Variants in CACNA2D1 observed in about 807,000 individuals in gnomAD.
The protein encoded by CACNA2D1 is voltage-dependent calcium channel subunit alpha-2/delta-1.
A neutral mutation model predicts 171.5 loss-of-function variants in CACNA2D1; 53 were observed. The ratio of observed to expected loss-of-function variants is 0.31; its 90% CI spans 0.25 to 0.39. The LOEUF (loss-of-function observed/expected upper bound fraction) is 0.39, where lower values mean the gene tolerates loss of function less well. Ranked by LOEUF, CACNA2D1 falls within the 10% of genes least tolerant of loss-of-function variation. The pLI is 1.00. For synonymous variants in CACNA2D1, 442 were observed against 443.1 expected, an observed-to-expected ratio of 1.00 and a Z score of 0.03; for missense variants, 903 against 1,299.8, an observed-to-expected ratio of 0.69 and a Z score of 4.69.
chr7:82,199,188 T>C (rs1486838935), intron 3 of CACNA2D1, among the ~76,000 whole-genome samples: 1 of 152,136 alleles, frequency 6.6e-6, no homozygotes, highest in Non-Finnish European at 1.5e-5. Flanking sequence ...TATTTACCTA[T>C]TAATTTATTT....
At chr7:82,002,254 G>A (rs898168927) in intron 18 of CACNA2D1, among the ~76,000 whole-genome samples, 52 of 152,094 alleles carry the variant, frequency 3.4e-4, no homozygotes, top group Admixed American at 3.9e-4. Context: ...AGAGAGACAC[G>A]TCTCACCCCT....
At chr7:82,413,697 T>C (rs998674926) in intron 1 of CACNA2D1, among the ~76,000 whole-genome samples, 2 of 152,198 alleles carry the variant, frequency 1.3e-5, no homozygotes, top group Non-Finnish European at 2.9e-5. Context: ...AAATACTTAA[T>C]GTGTTAATTA....
At position 81,982,750 on chromosome 7, in the gene CACNA2D1, T is replaced by C. The variant is rs763448283; in HGVS notation, c.1895-123A>G. ...AAAAATTGAAAATAGAGTACTTACA[T>C]CCTAAAATTGAAACATATCAATGAA... On this transcript the variant is annotated intron_variant, in intron 23 of 38. Transcript: ENST00000356860. The C allele has an allele frequency of 4.0e-6, 3 of 751,988 alleles. No individual in the cohort carries two copies. In the Admixed American group the frequency reaches 5.3e-5, roughly 13 times the overall value. 46.6% of individuals were successfully genotyped at this position (751,988 alleles called of 1,614,324 possible). A position where few individuals can be genotyped will look rare whatever the true frequency, so the allele number is the denominator to read the frequency against.
chr7:82,224,678 T>G (rs1802165482), intron 3 of CACNA2D1, among the ~76,000 whole-genome samples: 1 of 152,202 alleles, frequency 6.6e-6, no homozygotes. Context: ...CTCCCTGTCT[T>G]AACAGAAACT....
At chr7:82,111,296 A>G (rs1282275734) in intron 6 of CACNA2D1, among the ~76,000 whole-genome samples, 8 of 61,464 alleles carry the variant, frequency 1.3e-4, no homozygotes, top group Admixed American at 1.2e-3. Flanking sequence ...GTCTGGGTAT[A>G]TATATATATA....
At position 81,994,848 on chromosome 7, in the gene CACNA2D1, A is replaced by C. The variant is rs1366159760; in HGVS notation, c.1734+20T>G. On this transcript the variant is annotated intron_variant, in intron 20 of 38. Transcript: ENST00000356860. ...CTTGATATAATTTTTATTTAAGAAT[A>C]AGCTAGAATCAATTCTTACCTCATC... 8.3e-7 allele frequency: 1 copy of C among 1,198,250 alleles called. No homozygotes were observed. Among genetic ancestry groups the C allele is most frequent in the Non-Finnish European group, 1.2e-6 (1 of 802,728 alleles). The allele number at this position is 1,198,250 out of a possible 1,614,324, so 74.2% of individuals were successfully genotyped here.
At chr7:82,183,083 A>T (rs545519306) in intron 3 of CACNA2D1, among the ~76,000 whole-genome samples, 25 of 152,166 alleles carry the variant, frequency 1.6e-4, no homozygotes, top group African/African-American at 5.3e-4. Flanking sequence ...GATAAAATCA[A>T]CAAAACTTAT....
intron 1 of CACNA2D1, among the ~76,000 whole-genome samples, chr7:82,366,375 C>T (rs1809243959): frequency 6.6e-6 from 1 of 152,166 alleles, no homozygotes; most frequent in Non-Finnish European, 1.5e-5. Context: ...CCTTGACCCC[C>T]TCTCTATCCC....
chr7:82,107,880 A>C (rs1787943497), intron 6 of CACNA2D1, among the ~76,000 whole-genome samples: 1 of 152,098 alleles, frequency 6.6e-6, no homozygotes, highest in South Asian at 2.1e-4. Context: ...GTCCGCGCCC[A>C]GCCGGAATTT....
chr7:82,057,635 G>A (rs76089710), intron 10 of CACNA2D1, among the ~76,000 whole-genome samples: 10,488 of 152,140 alleles, frequency 0.069, 480 homozygotes, highest in Non-Finnish European at 0.1. Flanking sequence ...GGGTGTTGCT[G>A]CTACATAATG....
At chr7:82,221,937 T>C (rs1373027737) in intron 3 of CACNA2D1, among the ~76,000 whole-genome samples, 1 of 151,688 alleles carries the variant, frequency 6.6e-6, no homozygotes, top group Non-Finnish European at 1.5e-5. Context: ...GACTAGTCTA[T>C]CCGCTTAAAT....
rs141739262 is a variant in CACNA2D1 at position 82,335,320 on chromosome 7, A to G, written c.178-69T>C. 2.2e-4 allele frequency: 200 copies of G among 902,300 alleles called. 3 individuals are homozygous for G. The East Asian group carries it at 2.8e-3, about 13-fold the overall frequency. The allele number at this position is 902,300 out of a possible 1,614,324, so 55.9% of individuals were successfully genotyped here. Reference sequence around the variant, plus strand: ...ATTTGGCTTACAAGTTCCCATTGGAATGTATTTAAAACTATAAACAACTGA... The same window carrying G: ...ATTTGGCTTACAAGTTCCCATTGGAGTGTATTTAAAACTATAAACAACTGA... On this transcript the variant is annotated intron_variant, in intron 2 of 38. Transcript: ENST00000356860.
intron 4 of CACNA2D1, among the ~76,000 whole-genome samples, chr7:82,158,475 TAAA>T (rs10589102): frequency 1.3e-5 from 2 of 150,978 alleles, no homozygotes; most frequent in Non-Finnish European, 3.0e-5. Flanking sequence ...GAAACCAAGT[TAAA>T]AAAAAAAAGA....
At chr7:82,138,340 A>G (rs1791923385) in intron 4 of CACNA2D1, among the ~76,000 whole-genome samples, 1 of 151,856 alleles carries the variant, frequency 6.6e-6, no homozygotes, top group South Asian at 2.1e-4. Flanking sequence ...GTTTTACATT[A>G]TTTGATTTTC....
intron 19 of CACNA2D1, among the ~76,000 whole-genome samples, 185 bp downstream of exon 19, chr7:81,996,994 A>G (rs1224652548): frequency 6.6e-6 from 1 of 152,140 alleles, no homozygotes; most frequent in Non-Finnish European, 1.5e-5. Context: ...ATTCCTTTTC[A>G]TATGATCTTT....
At position 81,991,188 on chromosome 7, in the gene CACNA2D1, TA is replaced by T; in HGVS notation, c.1792del (p.Tyr598ThrfsTer15). 7.1e-7 allele frequency: 1 copy of T among 1,417,280 alleles called. No individual in the cohort carries two copies. Among genetic ancestry groups the T allele is most frequent in the Non-Finnish European group, 1.0e-6 (1 of 1,000,902 alleles). 87.8% of individuals were successfully genotyped at this position (1,417,280 alleles called of 1,614,324 possible). A position where few individuals can be genotyped will look rare whatever the true frequency, so the allele number is the denominator to read the frequency against. ...YTWTPVNGTD[Y>X]SLALVLPTYS... Reference sequence around the variant, plus strand: ...CACATAAAATACAGTTAATTACCTGTAATCTGTGCCATTGACAGGTGTCCAT... The same window carrying T: ...CACATAAAATACAGTTAATTACCTGTATCTGTGCCATTGACAGGTGTCCAT... On this transcript the variant is annotated frameshift_variant, in exon 21 of 39. Coordinates refer to ENST00000356860, the MANE Select transcript of CACNA2D1 (RefSeq NM_000722.4). LOFTEE classifies it high-confidence loss of function.
At chr7:82,175,412 A>G (rs1796457120) in intron 3 of CACNA2D1, among the ~76,000 whole-genome samples, 1 of 152,068 alleles carries the variant, frequency 6.6e-6, no homozygotes, top group African/African-American at 2.4e-5. Flanking sequence ...TTAATCTTCA[A>G]ACAGTTAACA....
intron 27 of CACNA2D1, 52 bp from the exon 28 acceptor site, chr7:81,970,036 A>G (rs1438728227): frequency 9.5e-7 from 1 of 1,052,372 alleles, no homozygotes; most frequent in African/African-American, 1.6e-5. Context: ...CTGATAACCT[A>G]CTTTATCCTA....
At chr7:82,015,455 G>A (rs924275759) in intron 12 of CACNA2D1, among the ~76,000 whole-genome samples, 7 of 152,086 alleles carry the variant, frequency 4.6e-5, no homozygotes, top group Non-Finnish European at 8.8e-5. Flanking sequence ...AATCAATAGA[G>A]AGTTTTTATA....
Sources: allele counts gnomAD v4.1 joint callset (sites outside exome capture counted in the v4.1 genomes callset), GRCh38; gene constraint gnomAD v4.1.1; transcripts MANE v1.5; gene names NCBI Gene and HGNC (gene_info 2026-07-23, HGNC 2026-07-21).